ELL: variants seen among roughly 807,000 people sequenced by gnomAD.
ELL encodes the protein RNA polymerase II elongation factor ELL.
Under a neutral mutation model 64.0 loss-of-function variants are expected in ELL, and 18 were observed. That is an observed-to-expected ratio of 0.28 (90% confidence interval 0.19 to 0.42). The LOEUF (loss-of-function observed/expected upper bound fraction) is 0.42. ELL is among the 10% of genes least tolerant of loss of function. The probability of loss-of-function intolerance (pLI) is 1.00; values close to 1 mark genes in which losing one functional copy is unlikely to be tolerated. For missense variants in ELL, 797 were observed against 870.4 expected (o/e 0.92, Z 1.06); for synonymous variants, 399 against 376.2 (o/e 1.06, Z -0.70).
chr19:18,467,368 G>A (rs74497531), intron 2 of ELL, among the ~76,000 whole-genome samples: 21,866 of 151,942 alleles, frequency 0.14, 1,648 homozygotes, highest in South Asian at 0.2. Flanking sequence ...TCCCCCTAAG[G>A]CAGGTGCCCT....
At chr19:18,464,570 C>A (rs1974897064) in intron 4 of ELL, among the ~76,000 whole-genome samples, 1 of 152,144 alleles carries the variant, frequency 6.6e-6, no homozygotes, top group Admixed American at 6.5e-5. Context: ...TCAGAGGGAA[C>A]CCCTCTGCTC....
rs376449904 is a variant in ELL at position 18,449,718 on chromosome 19, C to T, written c.1465+759G>A. 5.7e-4 allele frequency among the ~76,000 whole-genome samples: 87 copies of T among 152,340 alleles called. 3 individuals are homozygous for T. The East Asian group carries it at 0.012, about 20-fold the overall frequency. ...AGCGAAGTGGCCATCTGCAACTGGC[C>T]GCCATCGCCACATGGGACCACTGCA... On this transcript the variant is annotated intron_variant, in intron 8 of 11. Coordinates refer to ENST00000262809, the MANE Select transcript of ELL (RefSeq NM_006532.4). The surrounding 1 kb of genome is among the most constrained non-coding windows in gnomAD (Gnocchi z 4.4).
chr19:18,461,501 T>C (rs776515074), intron 5 of ELL, 77 bp downstream of exon 5: 3 of 1,530,264 alleles, frequency 2.0e-6, no homozygotes, highest in Non-Finnish European at 8.8e-7. Flanking sequence ...CCAGTCTCCA[T>C]GCTCTGGCCC....
chr19:18,455,068 G>A (rs188606200), intron 6 of ELL, among the ~76,000 whole-genome samples: 26 of 150,314 alleles, frequency 1.7e-4, no homozygotes, highest in South Asian at 4.2e-4. Context: ...TTGAACCGGG[G>A]AGGCAGAGGT....
At chr19:18,511,338 G>C (rs1351864577) in intron 1 of ELL, among the ~76,000 whole-genome samples, 2 of 152,104 alleles carry the variant, frequency 1.3e-5, no homozygotes, top group African/African-American at 4.8e-5. Context: ...GCTGAGGCAG[G>C]AGAATTGCTT....
At chr19:18,487,717 G>C (rs1331304594) in intron 1 of ELL, among the ~76,000 whole-genome samples, 2 of 152,232 alleles carry the variant, frequency 1.3e-5, no homozygotes, top group Non-Finnish European at 2.9e-5. Context: ...TGGAGAGAAT[G>C]AATCAGTCCC....
At chr19:18,504,818 C>G (rs1222744172) in intron 1 of ELL, among the ~76,000 whole-genome samples, 1 of 152,208 alleles carries the variant, frequency 6.6e-6, no homozygotes, top group Non-Finnish European at 1.5e-5. Context: ...CTCTGGGACA[C>G]TCTCCACGGA....
intron 5 of ELL, 150 bp from the exon 6 acceptor site, chr19:18,458,479 C>T (rs925022887): frequency 1.4e-5 from 18 of 1,250,876 alleles, no homozygotes; most frequent in African/African-American, 7.6e-5. Context: ...GGCCCACTAC[C>T]GATCCGTGAT....
chr19:18,511,873 A>T (rs2561043), intron 1 of ELL, among the ~76,000 whole-genome samples: 68,780 of 150,900 alleles, frequency 0.46, 17,895 homozygotes, highest in African/African-American at 0.73. Flanking sequence ...AAAAAAAAAA[A>T]GGGCCGGGCA....
At chr19:18,456,996 C>A (rs1186868015) in intron 6 of ELL, among the ~76,000 whole-genome samples, 1 of 151,900 alleles carries the variant, frequency 6.6e-6, no homozygotes, top group African/African-American at 2.4e-5. Flanking sequence ...AGAGGGGCAC[C>A]GCAGGTCACC....
intron 1 of ELL, among the ~76,000 whole-genome samples, chr19:18,479,738 T>C (rs1244556485): frequency 6.9e-6 from 1 of 145,594 alleles, no homozygotes; most frequent in South Asian, 2.1e-4. Context: ...AATCTAGGAT[T>C]GTTTTAAAAA....
intron 1 of ELL, among the ~76,000 whole-genome samples, chr19:18,482,794 T>TTGTTGTTGTTGCTGCTGC (rs139501319): frequency 4.7e-5 from 7 of 150,066 alleles, no homozygotes; most frequent in African/African-American, 1.5e-4. Context: ...GTTGTTGTTG[T>TTGTTGTTGTTGCTGCTGC]TGCTGCTGTT....
chr19:18,486,877 C>T (rs928719233), intron 1 of ELL, among the ~76,000 whole-genome samples: 4 of 152,212 alleles, frequency 2.6e-5, no homozygotes, highest in Non-Finnish European at 5.9e-5. Flanking sequence ...GGAGCTGCCA[C>T]ATCTGGACCT....
rs755076522 is a variant in ELL at position 18,445,218 on chromosome 19, ACT to A, written c.1749+4_1749+5del. The A allele has an allele frequency of 4.8e-5, 78 of 1,613,806 alleles. No individual in the cohort carries two copies. Among genetic ancestry groups the A allele is most frequent in the Non-Finnish European group, 6.5e-5 (77 of 1,179,986 alleles). On this transcript the variant is annotated splice_donor_5th_base_variant and intron_variant, in intron 11 of 11. Coordinates refer to ENST00000262809, the MANE Select transcript of ELL (RefSeq NM_006532.4). ...TGGAGCCCACCCCAACACAAGAGAC[ACT>A]CACCTTTTTGATTTTTCGATATTCC...
chr19:18,504,093 C>T (rs1257463048), intron 1 of ELL, among the ~76,000 whole-genome samples: 1 of 152,232 alleles, frequency 6.6e-6, no homozygotes, highest in African/African-American at 2.4e-5. Context: ...CGGGCTGTCA[C>T]GGCGGATGCA....
chr19:18,486,013 G>A (rs189118600), intron 1 of ELL, among the ~76,000 whole-genome samples: 10 of 151,682 alleles, frequency 6.6e-5, no homozygotes, highest in South Asian at 2.1e-4. Flanking sequence ...AGCAAGCTAC[G>A]GGGATGAAAA....
At chr19:18,462,741 G>C (rs1020735504) in intron 4 of ELL, among the ~76,000 whole-genome samples, 6 of 152,170 alleles carry the variant, frequency 3.9e-5, no homozygotes, top group Non-Finnish European at 4.4e-5. Context: ...TGAACTGCAA[G>C]AGGCAGTCAC....
chr19:18,506,772 C>A (rs1318835115), intron 1 of ELL, among the ~76,000 whole-genome samples: 2 of 152,166 alleles, frequency 1.3e-5, no homozygotes, highest in Non-Finnish European at 2.9e-5. Flanking sequence ...CCTCACCTTG[C>A]ACACCTAGGA....
chr19:18,466,898 G>A (rs1421672366), intron 2 of ELL, among the ~76,000 whole-genome samples: 3 of 152,160 alleles, frequency 2.0e-5, no homozygotes, highest in Non-Finnish European at 4.4e-5. Context: ...CACCATGAGC[G>A]CGGGAGAGAC....
Sources: allele counts gnomAD v4.1 joint callset (sites outside exome capture counted in the v4.1 genomes callset), GRCh38; gene constraint gnomAD v4.1.1; non-coding constraint Gnocchi (gnomAD v3.1); transcripts MANE v1.5; gene names NCBI Gene and HGNC (gene_info 2026-07-23, HGNC 2026-07-21).